LARGE1: variants seen among roughly 807,000 people sequenced by gnomAD.
The protein encoded by LARGE1 is xylosyl- and glucuronyltransferase LARGE1.
A neutral mutation model predicts 87.6 loss-of-function variants in LARGE1; 43 were observed. That is an observed-to-expected ratio of 0.49 (90% CI 0.38 to 0.63). The LOEUF is 0.63. Among genes scored for constraint, LARGE1 ranks in the 30% least tolerant of loss-of-function variants. LARGE1 has a pLI of 0.00. For synonymous variants in LARGE1, 434 were observed against 394.6 expected (o/e 1.10, Z -1.18); for missense variants, 802 against 1,000.2 (o/e 0.80, Z 2.67).
intron 1 of LARGE1, among the ~76,000 whole-genome samples, chr22:33,768,436 TCACACACACA>T (rs71969164): frequency 6.8e-6 from 1 of 147,464 alleles, no homozygotes; most frequent in Non-Finnish European, 1.5e-5. Flanking sequence ...ACGCGCGCGC[TCACACACACA>T]CACACACACA....
chr22:33,831,057 T>C (rs1330281982), intron 1 of LARGE1, among the ~76,000 whole-genome samples: 3 of 152,178 alleles, frequency 2.0e-5, no homozygotes, highest in Non-Finnish European at 4.4e-5. Context: ...GTGATGACGA[T>C]GATACTGCTC....
intron 5 of LARGE1, among the ~76,000 whole-genome samples, chr22:33,566,769 A>T (rs1390833156): frequency 6.6e-6 from 1 of 152,188 alleles, no homozygotes; most frequent in Non-Finnish European, 1.5e-5. Context: ...GGTCCATTTT[A>T]TAAAGTGCTG....
Position 33,812,723 on chromosome 22 carries a change from C to G in LARGE1, c.-82-51165G>C, listed in dbSNP as rs575797440. On this transcript the variant is annotated intron_variant, in intron 1 of 14. Coordinates refer to ENST00000397394, the MANE Select transcript of LARGE1 (RefSeq NM_133642.5). The stretch of plus-strand genomic sequence containing the variant: ...GGATATTTCATTCCATAAGCACAGT[C>G]AAGCCTCAACAGCTGTCCAGGCCAA... Among the ~76,000 whole-genome samples the G allele has an allele frequency of 9.2e-5, 14 of 152,338 alleles. No homozygotes were observed. The South Asian group carries it at 2.7e-3, about 29-fold the overall frequency.
chr22:33,681,626 G>A (rs1258918267), intron 2 of LARGE1, among the ~76,000 whole-genome samples: 1 of 152,148 alleles, frequency 6.6e-6, no homozygotes, highest in Non-Finnish European at 1.5e-5. Context: ...ACCATCATTT[G>A]CACAATAACA....
At chr22:33,244,649 G>A (rs1449699198) in intron 11 of LARGE1, among the ~76,000 whole-genome samples, 1 of 152,226 alleles carries the variant, frequency 6.6e-6, no homozygotes, top group Non-Finnish European at 1.5e-5. Context: ...TCTGTAGGCA[G>A]TTAGAAATCA....
chr22:33,464,881 AT>A (rs1274583318), intron 6 of LARGE1, among the ~76,000 whole-genome samples: 5 of 114,472 alleles, frequency 4.4e-5, no homozygotes, highest in Non-Finnish European at 1.7e-5. Flanking sequence ...CTGCACACAC[AT>A]GCACACACAT....
At chr22:33,134,445 G>T in the LARGE1 span, among the ~76,000 whole-genome samples, 1 of 152,048 alleles carries the variant, frequency 6.6e-6, no homozygotes, top group Admixed American at 6.6e-5. Flanking sequence ...TTTTAGTAGA[G>T]ACGGGATTTC....
chr22:33,181,014 T>C (rs963638190), intron 11 of LARGE1, among the ~76,000 whole-genome samples: 32 of 152,190 alleles, frequency 2.1e-4, no homozygotes, highest in African/African-American at 7.5e-4. Context: ...CACTACTCTA[T>C]AAATGTAAAA....
intron 11 of LARGE1, among the ~76,000 whole-genome samples, chr22:33,187,958 A>AAAAAAAAAAAG (rs1568965475): frequency 9.3e-6 from 1 of 107,472 alleles, no homozygotes. Context: ...AAAAAAAAAA[A>AAAAAAAAAAAG]AATCACTAAG....
At chr22:33,706,490 C>T (rs1459970402) in intron 2 of LARGE1, among the ~76,000 whole-genome samples, 1 of 152,170 alleles carries the variant, frequency 6.6e-6, no homozygotes, top group Non-Finnish European at 1.5e-5. Flanking sequence ...GTTCAAGTCC[C>T]AACTCGGCCC....
exon 12 of LARGE1, chr22:33,166,436 C>T (rs1922273381): frequency 3.9e-6 from 1 of 257,202 alleles, no homozygotes; most frequent in Non-Finnish European, 7.7e-6. Flanking sequence ...AATCTTACCA[C>T]GGGGATGTTC....
chr22:33,852,536 G>A (rs1288915589), intron 1 of LARGE1, among the ~76,000 whole-genome samples: 1 of 151,924 alleles, frequency 6.6e-6, no homozygotes, highest in Non-Finnish European at 1.5e-5. Context: ...AAAACATACA[G>A]TCTGTTAGAA....
chr22:33,280,315 CAA>C (rs58680121), intron 13 of LARGE1, among the ~76,000 whole-genome samples: 1,413 of 67,386 alleles, frequency 0.021, 15 homozygotes, highest in African/African-American at 0.059. Flanking sequence ...GGTAACTCCT[CAA>C]AAAAAAAAAA....
At chr22:33,830,714 G>A (rs1230368668) in intron 1 of LARGE1, among the ~76,000 whole-genome samples, 2 of 152,106 alleles carry the variant, frequency 1.3e-5, no homozygotes, top group Non-Finnish European at 2.9e-5. Flanking sequence ...TACTTTAACT[G>A]AATACCATAG....
At chr22:33,912,811 T>G (rs911349098) in intron 1 of LARGE1, among the ~76,000 whole-genome samples, 1 of 146,996 alleles carries the variant, frequency 6.8e-6, no homozygotes, top group Non-Finnish European at 1.5e-5. Flanking sequence ...TCTGTTACAG[T>G]GAAGGAAGAA....
intron 7 of LARGE1, among the ~76,000 whole-genome samples, chr22:33,425,350 C>T (rs953256082): frequency 2.6e-5 from 4 of 152,186 alleles, no homozygotes. Flanking sequence ...GAGAAGGTGT[C>T]CATGTGCAAA....
At chr22:33,693,824 T>C (rs1453667452) in intron 2 of LARGE1, among the ~76,000 whole-genome samples, 2 of 151,460 alleles carry the variant, frequency 1.3e-5, no homozygotes, top group African/African-American at 4.9e-5. Flanking sequence ...ACTCTGTCTC[T>C]ATTAAAAAAA....
intron 11 of LARGE1, among the ~76,000 whole-genome samples, chr22:33,210,812 T>C (rs542733127): frequency 3.9e-4 from 59 of 152,384 alleles, no homozygotes; most frequent in African/African-American, 1.3e-3. Flanking sequence ...CCCTATGCTC[T>C]GGGCCTCACA....
chr22:33,877,501 C>T (rs1337987440), intron 1 of LARGE1, among the ~76,000 whole-genome samples: 1 of 152,158 alleles, frequency 6.6e-6, no homozygotes, highest in Non-Finnish European at 1.5e-5. Context: ...CTCTATGCCT[C>T]AGTTTTCCCA....
Sources: gnomAD v4.1 joint callset for allele counts (sites outside exome capture counted in the v4.1 genomes callset) on GRCh38, gnomAD v4.1.1 for gene constraint, MANE v1.5 for transcripts, NCBI Gene and HGNC (gene_info 2026-07-23, HGNC 2026-07-21) for gene names.